Variants in GRHL1 observed in about 807,000 individuals in gnomAD.
The protein encoded by GRHL1 is grainyhead-like protein 1 homolog.
A neutral mutation model predicts 75.7 loss-of-function variants in GRHL1; 38 were observed. That is an observed-to-expected ratio of 0.50 (90% CI 0.39 to 0.66). GRHL1 has a LOEUF of 0.66. Ranked by LOEUF, GRHL1 falls within the 30% of genes least tolerant of loss-of-function variation. GRHL1 has a pLI of 0.00. For synonymous variants in GRHL1, 266 were observed against 279.4 expected (o/e 0.95, Z 0.48); for missense variants, 589 against 767.5 (o/e 0.77, Z 2.75).
intron 2 of GRHL1, among the ~76,000 whole-genome samples, 156 bp from the exon 3 acceptor site, chr2:9,958,630 A>T (rs916698659): frequency 2.6e-5 from 4 of 152,220 alleles, no homozygotes; most frequent in African/African-American, 4.8e-5. Context: ...TTGAGGGCAG[A>T]TATTATAATT....
chr2:9,978,061 A>G (rs1363911194), intron 8 of GRHL1, among the ~76,000 whole-genome samples: 4 of 152,158 alleles, frequency 2.6e-5, no homozygotes, highest in African/African-American at 9.7e-5. Flanking sequence ...ATTCACTACC[A>G]CGAGAACAGT....
At chr2:9,991,968 G>T in intron 10 of GRHL1, 39 bp from the exon 11 acceptor site, 1 of 1,513,480 alleles carries the variant, frequency 6.6e-7, no homozygotes, top group South Asian at 1.2e-5. Context: ...GTAATCCTTT[G>T]ACCTTGGCTT....
At position 9,966,592 on chromosome 2, in the gene GRHL1, A is replaced by G. The variant is rs192991516; in HGVS notation, c.1110+1211A>G. 2.9e-4 allele frequency among the ~76,000 whole-genome samples: 44 copies of G among 152,216 alleles called. No individual in the cohort carries two copies. In the East Asian group the frequency reaches 6.8e-3, roughly 23 times the overall value. ...TTTTACTTTTTCTTTTATTTATTCAATAAGAATTTTAGTAACTTTTAGAAT... is the reference window on the plus strand; with the variant it reads ...TTTTACTTTTTCTTTTATTTATTCAGTAAGAATTTTAGTAACTTTTAGAAT... On this transcript the variant is annotated intron_variant, in intron 8 of 15. Transcript: ENST00000324907.
At chr2:9,958,446 G>T (rs1393176230) in intron 2 of GRHL1, among the ~76,000 whole-genome samples, 2 of 152,024 alleles carry the variant, frequency 1.3e-5, no homozygotes, top group African/African-American at 2.4e-5. Context: ...TCCCAAAGTG[G>T]CTGGGATTAC....
chr2:9,981,599 T>C (rs1161747563), intron 8 of GRHL1, among the ~76,000 whole-genome samples: 4 of 152,156 alleles, frequency 2.6e-5, no homozygotes, highest in Non-Finnish European at 5.9e-5. Context: ...CAGAGTCGAG[T>C]AGTTGCATAT....
At chr2:9,989,841 C>T (rs184241867) in intron 9 of GRHL1, among the ~76,000 whole-genome samples, 262 of 152,262 alleles carry the variant, frequency 1.7e-3, no homozygotes, top group African/African-American at 6.1e-3. Context: ...TGAGCCACCG[C>T]GCCCAGCCCA....
intron 2 of GRHL1, among the ~76,000 whole-genome samples, chr2:9,957,955 G>GT (rs1299436715): frequency 6.6e-6 from 1 of 152,162 alleles, no homozygotes; most frequent in Non-Finnish European, 1.5e-5. Flanking sequence ...GAATCCCAGC[G>GT]TATCTAAAGA....
In GRHL1 at chr2:9,951,883, CGGG is replaced by C. The variant is rs754297838; in HGVS notation, c.20+35_20+37del. Reference sequence around the variant, plus strand: ...GTGAGGCGCAGGAGTCCGGCCGCCGCGGGGGGGCCGCGCTGAGGGGCCGCACCT... The same window carrying C: ...GTGAGGCGCAGGAGTCCGGCCGCCGCGGGGCCGCGCTGAGGGGCCGCACCT... On this transcript the variant is annotated intron_variant, in intron 1 of 15. Coordinates refer to ENST00000324907, the MANE Select transcript of GRHL1 (RefSeq NM_198182.3). The surrounding 1 kb of genome is among the most constrained non-coding windows in gnomAD (Gnocchi z 4.2). 2.1e-6 allele frequency: 3 copies of C among 1,422,292 alleles called. No homozygotes were observed. In the African/African-American group the frequency reaches 4.5e-5, roughly 21 times the overall value. 88.1% of individuals were successfully genotyped at this position (1,422,292 alleles called of 1,614,324 possible). A position where few individuals can be genotyped will look rare whatever the true frequency, so the allele number is the denominator to read the frequency against.
At chr2:9,982,919 A>G (rs1668259063) in intron 8 of GRHL1, among the ~76,000 whole-genome samples, 1 of 152,218 alleles carries the variant, frequency 6.6e-6, no homozygotes, top group Non-Finnish European at 1.5e-5. Flanking sequence ...AGACGTCCAG[A>G]GGTAGTCATC....
intron 1 of GRHL1, 187 bp from the exon 2 acceptor site, chr2:9,954,726 TTA>T (rs1558287263): frequency 1.6e-6 from 1 of 637,178 alleles, no homozygotes; most frequent in East Asian, 2.8e-5. Context: ...CCTAGATACT[TTA>T]TGTCTTACTG....
At chr2:9,973,666 C>T (rs563597409) in intron 8 of GRHL1, among the ~76,000 whole-genome samples, 45 of 152,314 alleles carry the variant, frequency 3.0e-4, no homozygotes, top group African/African-American at 1.1e-3. Flanking sequence ...TTTCTATGAA[C>T]TGTCTTAGAG....
intron 3 of GRHL1, 167 bp from the exon 4 acceptor site, chr2:9,960,879 C>G (rs1014652211): frequency 1.8e-6 from 1 of 548,326 alleles, no homozygotes; most frequent in Non-Finnish European, 3.2e-6. Flanking sequence ...GACCGATAAC[C>G]AGAAAGCCTT....
In GRHL1 at chr2:9,998,781, CGTATATATATGTACACACATATATAT is replaced by C. The variant is rs1558321302; in HGVS notation, c.1678-183_1678-158del. 1.0e-3 allele frequency among the ~76,000 whole-genome samples: 35 copies of C among 34,880 alleles called. 4 individuals carry two copies. Among genetic ancestry groups the C allele is most frequent in the Non-Finnish European group, 1.4e-3 (29 of 20,040 alleles). The allele number at this position is 34,880 out of a possible 152,430, so 22.9% of individuals were successfully genotyped here. ...GTATATATATGTACACACATATATA[CGTATATATATGTACACACATATATAT>C]ACGTATATATATGTACACATATATA... On this transcript the variant is annotated intron_variant, in intron 14 of 15. Coordinates refer to ENST00000324907, the MANE Select transcript of GRHL1 (RefSeq NM_198182.3).
At position 9,951,715 on chromosome 2, in the gene GRHL1, C is replaced by T. The variant is rs1484892017; in HGVS notation, c.-119C>T. Reference sequence around the variant, plus strand: ...CTCAGAGCGAGAAAAGCAAACCCAACCCGTCGGGGCCGCCGCTCCGGACCC... The same window carrying T: ...CTCAGAGCGAGAAAAGCAAACCCAATCCGTCGGGGCCGCCGCTCCGGACCC... On this transcript the variant is annotated 5_prime_UTR_variant, in exon 1 of 16. Transcript: ENST00000324907. This position sits in a 1 kb window ranked among gnomAD's most constrained non-coding sequence, Gnocchi z 4.2. 2.1e-6 allele frequency: 2 copies of T among 938,170 alleles called. No homozygotes were observed. The highest frequency in any genetic ancestry group is 3.1e-6 in the Non-Finnish European group (2 of 640,978). 58.1% of individuals were successfully genotyped at this position (938,170 alleles called of 1,614,324 possible). A position where few individuals can be genotyped will look rare whatever the true frequency, so the allele number is the denominator to read the frequency against.
chr2:9,985,543 C>T (rs1381216307), intron 8 of GRHL1, among the ~76,000 whole-genome samples: 1 of 152,100 alleles, frequency 6.6e-6, no homozygotes, highest in Non-Finnish European at 1.5e-5. Flanking sequence ...ATTTGATAAC[C>T]AAAAGGTTAA....
rs529298598 is a variant in GRHL1, at chr2:9,963,028, A to G, written c.746+497A>G. On this transcript the variant is annotated intron_variant, in intron 5 of 15. Transcript: ENST00000324907. ...TGGGAGTATGAATATTTTCCAAGTT[A>G]ATTAGGAACTCATATTTTGTTTTAT... Among the ~76,000 whole-genome samples the G allele has an allele frequency of 1.1e-4, 16 of 152,284 alleles. No homozygotes were observed. In the East Asian group the frequency reaches 2.9e-3, roughly 28 times the overall value.
At chr2:9,996,038 T>C in intron 13 of GRHL1, 68 bp downstream of exon 13, 1 of 1,024,956 alleles carries the variant, frequency 9.8e-7, no homozygotes, top group Non-Finnish European at 1.5e-6. Context: ...ATCAAAAGCA[T>C]AAATGGTTCA....
intron 8 of GRHL1, among the ~76,000 whole-genome samples, chr2:9,970,142 C>T (rs1667664151): frequency 6.6e-6 from 1 of 152,160 alleles, no homozygotes; most frequent in Non-Finnish European, 1.5e-5. Flanking sequence ...CGTGCCCAGC[C>T]AGTAAGCACA....
At chr2:9,985,011 T>C (rs1668355523) in intron 8 of GRHL1, among the ~76,000 whole-genome samples, 1 of 149,660 alleles carries the variant, frequency 6.7e-6, no homozygotes, top group Non-Finnish European at 1.5e-5. Context: ...AAGGTTGCAG[T>C]GAGCTGAGAT....
Sources: gnomAD v4.1 joint callset for allele counts (sites outside exome capture counted in the v4.1 genomes callset) on GRCh38, gnomAD v4.1.1 for gene constraint, Gnocchi (gnomAD v3.1) non-coding constraint, MANE v1.5 for transcripts, NCBI Gene and HGNC (gene_info 2026-07-23, HGNC 2026-07-21) for gene names.